DDX60L: variants seen among roughly 807,000 people sequenced by gnomAD.
The protein encoded by DDX60L is DExD/H-box 60 like, also known as probable ATP-dependent RNA helicase DDX60-like.
In DDX60L, 191 loss-of-function variants were observed where a neutral mutation model predicts 211.6. That is an observed-to-expected ratio of 0.90 (90% CI 0.80 to 1.02). The LOEUF (loss-of-function observed/expected upper bound fraction) is 1.02. DDX60L is among the 50% of genes least tolerant of loss of function. The probability of loss-of-function intolerance (pLI) is 0.00; values close to 1 mark genes in which losing one functional copy is unlikely to be tolerated. For missense variants in DDX60L, 2,007 were observed against 1,984.1 expected (o/e 1.01, Z -0.22); for synonymous variants, 706 against 694.1 (o/e 1.02, Z -0.27).
intron 7 of DDX60L, among the ~76,000 whole-genome samples, chr4:168,454,000 G>A (rs13148927): frequency 0.29 from 44,124 of 151,994 alleles, 8,079 homozygotes; most frequent in East Asian, 0.62. Context: ...TAAATCATGT[G>A]AGAAAGAAGC....
At chr4:168,456,484 A>G (rs1188391836) in intron 6 of DDX60L, among the ~76,000 whole-genome samples, 4 of 152,168 alleles carry the variant, frequency 2.6e-5, no homozygotes, top group Non-Finnish European at 5.9e-5. Flanking sequence ...AAAATCAGAG[A>G]AGTATATGTT....
chr4:168,456,151 G>A lies in DDX60L; in HGVS notation c.725C>T (p.Ala242Val), dbSNP rs751480302. ...HLKWNDMMEE[A>V]YQTLFLLQHL... ...CTGAAGCAGAAATAGAGTCTGATAC[G>A]CCTATCAAAAAAGAAATTTCTTCAA... Residue 242 changes from alanine (A) to valine (V), a missense_variant and splice_region_variant, in exon 7 of 38, where the codon GCG becomes GTG. Coordinates refer to ENST00000682922, the MANE Select transcript of DDX60L (RefSeq NM_001012967.3). The A allele has an allele frequency of 3.3e-5, 50 of 1,529,726 alleles. No individual in the cohort carries two copies. The highest frequency in any genetic ancestry group is 4.9e-5 in the East Asian group (2 of 40,478). The allele number at this position is 1,529,726 out of a possible 1,614,324, so 94.8% of individuals were successfully genotyped here.
At chr4:168,479,805 TAAAAATA>T (rs372471255) in intron 1 of DDX60L, among the ~76,000 whole-genome samples, 55,484 of 147,928 alleles carry the variant, frequency 0.38, 10,778 homozygotes, top group African/African-American at 0.49. Context: ...CCGTCTCTAC[TAAAAATA>T]AAAAATAAAA....
intron 23 of DDX60L, 125 bp from the exon 24 acceptor site, chr4:168,406,203 G>A: frequency 1.2e-6 from 1 of 867,396 alleles, no homozygotes; most frequent in Non-Finnish European, 1.7e-6. Flanking sequence ...GGCAGAGGCT[G>A]TTGAACATCT....
chr4:168,417,361 A>C (rs1749744495), intron 19 of DDX60L, among the ~76,000 whole-genome samples: 1 of 152,002 alleles, frequency 6.6e-6, no homozygotes, highest in Admixed American at 6.6e-5. Context: ...CCTTCTTTTC[A>C]TACCTTGAAC....
rs187138584 is a variant in DDX60L, at chr4:168,451,435, A to G, written c.996+1689T>C. On this transcript the variant is annotated intron_variant, in intron 8 of 37. Transcript: ENST00000682922. The stretch of plus-strand genomic sequence containing the variant: ...TACAGTTGGCCTAGCCAGAAACCTG[A>G]AAGTCATCATTGACTCTTCCTTCTC... Among the ~76,000 whole-genome samples, 37 of 152,332 alleles carry G rather than the reference A, an allele frequency of 2.4e-4. 1 individual carries two copies. Among genetic ancestry groups the G allele is most frequent in the African/African-American group, 8.7e-4 (36 of 41,570 alleles).
chr4:168,425,532 C>T (rs1751318319), intron 14 of DDX60L, among the ~76,000 whole-genome samples: 1 of 152,138 alleles, frequency 6.6e-6, no homozygotes, highest in Non-Finnish European at 1.5e-5. Context: ...GACGCCCTGG[C>T]GGATAGATCA....
At chr4:168,415,226 C>T (rs1232619928) in intron 22 of DDX60L, among the ~76,000 whole-genome samples, 182 bp downstream of exon 22, 1 of 151,238 alleles carries the variant, frequency 6.6e-6, no homozygotes, top group Non-Finnish European at 1.5e-5. Flanking sequence ...ACTTTAGATG[C>T]CCACAAAATT....
At chr4:168,425,489 C>T (rs1221662646) in intron 14 of DDX60L, among the ~76,000 whole-genome samples, 2 of 152,228 alleles carry the variant, frequency 1.3e-5, no homozygotes, top group African/African-American at 4.8e-5. Context: ...AGGCTGGGCA[C>T]AGTGGCTCAA....
intron 30 of DDX60L, among the ~76,000 whole-genome samples, chr4:168,383,446 G>A (rs1199920340): frequency 6.6e-6 from 1 of 152,194 alleles, no homozygotes; most frequent in Non-Finnish European, 1.5e-5. Flanking sequence ...AAAGGCAAAA[G>A]GGGACAAGAA....
At chr4:168,405,870 C>A in intron 24 of DDX60L, 80 bp downstream of exon 24, 1 of 1,401,262 alleles carries the variant, frequency 7.1e-7, no homozygotes. Flanking sequence ...GATTACAAAA[C>A]ATTTATTGGC....
At chr4:168,374,304 C>G (rs1741556331) in intron 34 of DDX60L, among the ~76,000 whole-genome samples, 1 of 152,098 alleles carries the variant, frequency 6.6e-6, no homozygotes, top group East Asian at 1.9e-4. Flanking sequence ...ATGCTGTGTC[C>G]TACATCAACA....
intron 22 of DDX60L, among the ~76,000 whole-genome samples, chr4:168,415,002 G>C (rs180944503): frequency 6.6e-6 from 1 of 151,844 alleles, no homozygotes; most frequent in East Asian, 1.9e-4. Context: ...ATAACTAAAA[G>C]AGTAGAATTG....
chr4:168,422,974 TG>T (rs1750889083), intron 15 of DDX60L, among the ~76,000 whole-genome samples: 1 of 142,028 alleles, frequency 7.0e-6, no homozygotes, highest in African/African-American at 2.8e-5. Context: ...TAATATTGTG[TG>T]TGTGTGTGTG....
Position 168,423,766 on chromosome 4 carries a change from A to G in DDX60L, c.1939T>C (p.Ser647Pro). The change falls in exon 15 of 38, where the codon TCG (serine) becomes CCG (proline). Residue 647 changes from serine (S) to proline (P), a missense_variant. Coordinates refer to ENST00000682922, the MANE Select transcript of DDX60L (RefSeq NM_001012967.3). ...TGAACAGCTATACTTAAATCTTTCG[A>G]AATTTTGCCTTGTTAAAGAAACAAT... ...KKHCRGEGKI[S>P]KDLSIAVQMM... 6.4e-7 allele frequency: 1 copy of G among 1,569,554 alleles called. No individual in the cohort carries two copies. The highest frequency in any genetic ancestry group is 8.6e-7 in the Non-Finnish European group (1 of 1,166,058).
intron 5 of DDX60L, among the ~76,000 whole-genome samples, chr4:168,459,285 A>C (rs1375808733): frequency 6.6e-6 from 1 of 152,048 alleles, no homozygotes; most frequent in African/African-American, 2.4e-5. Flanking sequence ...CAGGAGTTTG[A>C]AACCAGCCTG....
At chr4:168,362,883 A>T (rs1739341491) in intron 36 of DDX60L, among the ~76,000 whole-genome samples, 1 of 152,200 alleles carries the variant, frequency 6.6e-6, no homozygotes, top group Non-Finnish European at 1.5e-5. Flanking sequence ...AAGTAGAGAG[A>T]TATTTTGTTA....
chr4:168,374,739 C>T (rs548714687), intron 34 of DDX60L, among the ~76,000 whole-genome samples: 1 of 152,284 alleles, frequency 6.6e-6, no homozygotes, highest in East Asian at 1.9e-4. Context: ...CTGGTGGCTA[C>T]CATGTTGGGT....
intron 13 of DDX60L, among the ~76,000 whole-genome samples, chr4:168,428,153 G>C (rs1403671886): frequency 6.6e-6 from 1 of 152,212 alleles, no homozygotes; most frequent in Non-Finnish European, 1.5e-5. Flanking sequence ...TTGAAGCCAA[G>C]CCTGGACCTT....
Sources: gnomAD v4.1 joint callset for allele counts (sites outside exome capture counted in the v4.1 genomes callset) on GRCh38, gnomAD v4.1.1 for gene constraint, MANE v1.5 for transcripts, NCBI Gene and HGNC (gene_info 2026-07-23, HGNC 2026-07-21) for gene names.